The following CWC22 variants were observed in gnomAD, a reference collection of about 807,000 sequenced individuals.
The protein encoded by CWC22 is pre-mRNA-splicing factor CWC22 homolog.
In CWC22, 53 loss-of-function variants were observed where a neutral mutation model predicts 117.2. The observed-to-expected ratio is 0.45, with a 90% confidence interval of 0.36 to 0.57. The LOEUF is 0.57. Among genes scored for constraint, CWC22 ranks in the 20% least tolerant of loss-of-function variants. CWC22 has a pLI of 0.00. For missense variants in CWC22, 980 were observed against 1,068.8 expected, an observed-to-expected ratio of 0.92 and a Z score of 1.16; for synonymous variants, 360 against 355.6, an observed-to-expected ratio of 1.01 and a Z score of -0.14.
At chr2:179,951,597 A>C (rs928812314) in intron 17 of CWC22, among the ~76,000 whole-genome samples, 1 of 152,152 alleles carries the variant, frequency 6.6e-6, no homozygotes, top group Non-Finnish European at 1.5e-5. Context: ...GAATGCCAGC[A>C]GTGGAAACTG....
At chr2:179,952,995 C>G (rs188005704) in intron 16 of CWC22, among the ~76,000 whole-genome samples, 89 of 151,664 alleles carry the variant, frequency 5.9e-4, no homozygotes, top group African/African-American at 2.1e-3. Flanking sequence ...ACATAACATA[C>G]GATTTAAAAA....
intron 12 of CWC22, 139 bp from the exon 13 acceptor site, chr2:179,964,767 TTAG>T: frequency 1.8e-6 from 1 of 553,848 alleles, no homozygotes; most frequent in Admixed American, 3.5e-5. Flanking sequence ...ACTGTGTAAA[TTAG>T]TATTTATAGA....
chr2:179,997,565 C>T (rs1575659710), intron 1 of CWC22, among the ~76,000 whole-genome samples: 1 of 152,136 alleles, frequency 6.6e-6, no homozygotes, highest in African/African-American at 2.4e-5. Context: ...AGCCATAAAA[C>T]TCAAAACTTT....
At chr2:179,955,056 T>A in intron 14 of CWC22, 22 bp from the exon 15 acceptor site, 1 of 1,493,544 alleles carries the variant, frequency 6.7e-7, no homozygotes, top group Non-Finnish European at 9.2e-7. Flanking sequence ...AAAAAATACA[T>A]TAATGATTCA....
rs1234576237 is a variant in CWC22 at position 179,979,519 on chromosome 2, T to C, written c.453-1201A>G. ...CTATTCATGGACCTCTTGAGGGGCT[T>C]GTAGGTTAAGAATCCCTGTTCTGGA... On this transcript the variant is annotated intron_variant, in intron 5 of 19. Coordinates refer to ENST00000410053, the MANE Select transcript of CWC22 (RefSeq NM_020943.3). Among the ~76,000 whole-genome samples, 3 of 152,150 alleles carry C rather than the reference T, an allele frequency of 2.0e-5. No homozygotes were observed. In the East Asian group the frequency reaches 5.8e-4, roughly 29 times the overall value.
At chr2:179,998,146 A>C (rs1333188070) in intron 1 of CWC22, among the ~76,000 whole-genome samples, 2 of 152,202 alleles carry the variant, frequency 1.3e-5, no homozygotes, top group South Asian at 2.1e-4. Context: ...TCAATTTTAC[A>C]TAAGAAACTT....
intron 19 of CWC22, among the ~76,000 whole-genome samples, chr2:179,949,264 G>T (rs1012903486): frequency 3.3e-5 from 5 of 152,096 alleles, no homozygotes; most frequent in African/African-American, 4.8e-5. Context: ...AATGGGACTG[G>T]TTATTTGCAA....
chr2:179,960,286 G>C (rs1184135469), intron 13 of CWC22, among the ~76,000 whole-genome samples: 6 of 151,890 alleles, frequency 4.0e-5, no homozygotes, highest in African/African-American at 1.4e-4. Context: ...AGATCTCAAA[G>C]AGTGCTTCCC....
chr2:179,950,144 A>G lies in CWC22; in HGVS notation c.2140+368T>C, dbSNP rs537435311. 1.0e-3 allele frequency among the ~76,000 whole-genome samples: 156 copies of G among 152,322 alleles called. 1 individual carries two copies. The highest frequency in any genetic ancestry group is 3.4e-3 in the Middle Eastern group (1 of 294). On this transcript the variant is annotated intron_variant, in intron 19 of 19. Coordinates refer to ENST00000410053, the MANE Select transcript of CWC22 (RefSeq NM_020943.3). The stretch of plus-strand genomic sequence containing the variant: ...CACAATGAATGTATGATATATCTCA[A>G]TTACAAACAGCTTTAATATTAAAAG...
intron 11 of CWC22, among the ~76,000 whole-genome samples, chr2:179,968,893 T>C (rs1332920374): frequency 6.6e-6 from 1 of 152,174 alleles, no homozygotes; most frequent in Non-Finnish European, 1.5e-5. Context: ...CATAAAAATA[T>C]GTAATTTATG....
intron 2 of CWC22, 86 bp from the exon 3 acceptor site, chr2:179,988,730 G>A (rs917882779): frequency 2.0e-5 from 13 of 658,992 alleles, no homozygotes; most frequent in Admixed American, 3.4e-5. Context: ...AAAGTTGGAA[G>A]TACTTTAGAA....
In CWC22 at chr2:179,950,502, G is replaced by T. The variant is rs752663999; in HGVS notation, c.2140+10C>A. ...AAAGAGCAAGCCAAATTACACATAAGCTTCAATACCTGAGGCAGAGCTATG... is the reference window on the plus strand; with the variant it reads ...AAAGAGCAAGCCAAATTACACATAATCTTCAATACCTGAGGCAGAGCTATG... On this transcript the variant is annotated intron_variant, in intron 19 of 19. Transcript: ENST00000410053. The T allele has an allele frequency of 1.9e-6, 3 of 1,560,224 alleles. No individual in the cohort carries two copies. The highest frequency in any genetic ancestry group is 1.7e-4 in the Middle Eastern group (1 of 5,812).
At chr2:179,988,534 T>C (rs781303284) in intron 3 of CWC22, 43 bp downstream of exon 3, 62 of 1,007,894 alleles carry the variant, frequency 6.2e-5, no homozygotes, top group Admixed American at 5.4e-4. Context: ...TAAACCTTAC[T>C]ATAAAAATTT....
chr2:179,945,366 A>G lies in CWC22; in HGVS notation c.2490T>C (p.Phe830=), dbSNP rs771844745. Residue 830 remains phenylalanine (F), a synonymous_variant, in exon 20 of 20, where the codon TTT becomes TTC. Transcript: ENST00000410053. ...KKKRGERRNS[F]SENEKHTHRI... ...GGTGTGTATGCTTCTCATTTTCAGA[A>G]AAAGAATTTCTTCTCTCTCCTCTCT... 1 of 1,612,490 alleles carries G rather than the reference A, an allele frequency of 6.2e-7. No individual in the cohort carries two copies. The highest frequency in any genetic ancestry group is 1.7e-5 in the Admixed American group (1 of 59,798).
chr2:179,960,699 T>A (rs959395611), intron 13 of CWC22, among the ~76,000 whole-genome samples: 3 of 151,924 alleles, frequency 2.0e-5, no homozygotes, highest in East Asian at 3.8e-4. Context: ...GGCCACATCG[T>A]CCCAGAAGTA....
At chr2:179,948,019 C>T (rs1052997062) in intron 19 of CWC22, among the ~76,000 whole-genome samples, 2 of 152,176 alleles carry the variant, frequency 1.3e-5, no homozygotes, top group Non-Finnish European at 2.9e-5. Context: ...TGAACCAGAT[C>T]AAACTTTGAA....
At chr2:179,996,932 G>A (rs1401436413) in intron 1 of CWC22, among the ~76,000 whole-genome samples, 1 of 151,050 alleles carries the variant, frequency 6.6e-6, no homozygotes, top group Non-Finnish European at 1.5e-5. Context: ...CTAAGAGAAA[G>A]AAACTAAGAG....
intron 1 of CWC22, among the ~76,000 whole-genome samples, chr2:180,004,453 G>A (rs1446000869): frequency 6.6e-6 from 1 of 152,014 alleles, no homozygotes. Flanking sequence ...GTGCAGTGGA[G>A]AGAGCTCAGC....
intron 13 of CWC22, among the ~76,000 whole-genome samples, chr2:179,960,572 T>A (rs1686726562): frequency 6.6e-6 from 1 of 152,008 alleles, no homozygotes; most frequent in Non-Finnish European, 1.5e-5. Flanking sequence ...AAGGATACTA[T>A]ACTGATTTAG....
Sources: gnomAD v4.1 joint callset for allele counts (sites outside exome capture counted in the v4.1 genomes callset) on GRCh38, gnomAD v4.1.1 for gene constraint, MANE v1.5 for transcripts, NCBI Gene and HGNC (gene_info 2026-07-23, HGNC 2026-07-21) for gene names.